The following SLC12A1 variants were observed in gnomAD, a reference collection of about 807,000 sequenced individuals.
SLC12A1 encodes the protein Na-K-2Cl cotransporter.
A neutral mutation model predicts 130.4 loss-of-function variants in SLC12A1; 89 were observed. The ratio of observed to expected loss-of-function variants is 0.68; its 90% CI spans 0.58 to 0.81. The LOEUF (loss-of-function observed/expected upper bound fraction) is 0.81. Ranked by LOEUF, SLC12A1 falls within the 40% of genes least tolerant of loss-of-function variation. SLC12A1 has a pLI of 0.00. For synonymous variants in SLC12A1, 499 were observed against 460.0 expected (o/e 1.08, Z -1.09); for missense variants, 1,310 against 1,336.4 (o/e 0.98, Z 0.31).
intron 6 of SLC12A1, among the ~76,000 whole-genome samples, chr15:48,229,935 ACAGTTCAC>A (rs2041349912): frequency 2.0e-5 from 3 of 152,214 alleles, no homozygotes; most frequent in African/African-American, 7.2e-5. Context: ...AAATGAGCTT[ACAGTTCAC>A]AAGGTATATT....
At chr15:48,220,443 C>T (rs1597400588) in intron 2 of SLC12A1, among the ~76,000 whole-genome samples, 191 bp from the exon 3 acceptor site, 1 of 152,134 alleles carries the variant, frequency 6.6e-6, no homozygotes, top group East Asian at 1.9e-4. Context: ...TTTAAAATGA[C>T]TCACAAAATG....
intron 5 of SLC12A1, chr15:48,226,988 T>C (rs537180516): frequency 7.1e-5 from 58 of 819,680 alleles, no homozygotes; most frequent in East Asian, 6.1e-4. Context: ...AGGTGGATCT[T>C]TCTGTGACAA....
intron 7 of SLC12A1, among the ~76,000 whole-genome samples, chr15:48,231,814 G>A (rs962694759): frequency 2.6e-5 from 4 of 152,030 alleles, no homozygotes; most frequent in Admixed American, 6.5e-5. Flanking sequence ...TCAGGAGTTC[G>A]AGGCCAGCCT....
At position 48,244,701 on chromosome 15, in the gene SLC12A1, G is replaced by A. The variant is rs371703653; in HGVS notation, c.1301-52G>A. 3.1e-5 allele frequency: 50 copies of A among 1,594,174 alleles called. 2 individuals carry two copies. Among genetic ancestry groups the A allele is most frequent in the African/African-American group, 2.1e-4 (16 of 74,460 alleles). The stretch of plus-strand genomic sequence containing the variant: ...TAAACTACGTTTTCAGTAGAAAACC[G>A]TAAGGGACCAGAACTTTATAAAGAA... On this transcript the variant is annotated intron_variant, in intron 10 of 26. Transcript: ENST00000380993.
Position 48,255,874 on chromosome 15 carries a change from A to G in SLC12A1, c.2006A>G (p.Glu669Gly), listed in dbSNP as rs375675843. The part of the protein sequence containing the change: ...SYVSALDNAL[E>G]LTTVEDHVKN... ...GTGAGTGCTTTAGACAATGCTCTGG[A>G]ATTAACCACAGTGGAAGACCACGTA... Residue 669 changes from glutamate (E) to glycine (G), a missense_variant, in exon 16 of 27, where the codon GAA becomes GGA. Transcript: ENST00000380993. The G allele has an allele frequency of 1.2e-6, 2 of 1,604,822 alleles. No homozygotes were observed. The highest frequency in any genetic ancestry group is 1.7e-6 in the Non-Finnish European group (2 of 1,175,506).
At chr15:48,282,475 G>T (rs116307198) in intron 20 of SLC12A1, among the ~76,000 whole-genome samples, 4 of 152,032 alleles carry the variant, frequency 2.6e-5, no homozygotes, top group African/African-American at 9.7e-5. Flanking sequence ...ATCATAGGGC[G>T]CACTGGAGCC....
At chr15:48,225,810 C>T in intron 4 of SLC12A1, 2 of 635,566 alleles carry the variant, frequency 3.1e-6, no homozygotes, top group South Asian at 1.4e-4. Context: ...CCAATGAATT[C>T]TTCCACCATT....
At chr15:48,299,548 A>G (rs976601912) in intron 25 of SLC12A1, among the ~76,000 whole-genome samples, 4 of 152,250 alleles carry the variant, frequency 2.6e-5, no homozygotes, top group Non-Finnish European at 4.4e-5. Context: ...ATTTAATTTT[A>G]AAGAGCAGGA....
intron 23 of SLC12A1, 47 bp from the exon 24 acceptor site, chr15:48,291,731 A>G: frequency 8.8e-7 from 1 of 1,141,388 alleles, no homozygotes; most frequent in Admixed American, 2.0e-5. Flanking sequence ...TTTGATTGAA[A>G]ATAGTTAAAT....
intron 21 of SLC12A1, among the ~76,000 whole-genome samples, chr15:48,286,098 G>T (rs922923138): frequency 6.6e-6 from 1 of 152,208 alleles, no homozygotes; most frequent in Admixed American, 6.5e-5. Context: ...TTCTGGTCTA[G>T]GTTGACCGGC....
At chr15:48,281,732 C>A (rs16960733) in intron 20 of SLC12A1, among the ~76,000 whole-genome samples, 2,948 of 152,254 alleles carry the variant, frequency 0.019, 109 homozygotes, top group African/African-American at 0.068. Flanking sequence ...GTAGAAAGGG[C>A]TTTGTAATTT....
intron 19 of SLC12A1, among the ~76,000 whole-genome samples, chr15:48,271,296 GCC>G (rs2141093217): frequency 6.6e-6 from 1 of 152,248 alleles, no homozygotes; most frequent in Non-Finnish European, 1.5e-5. Flanking sequence ...TGTTAGCTAT[GCC>G]CAAAAGCCAT....
At chr15:48,216,807 T>C (rs2041126985) in intron 2 of SLC12A1, among the ~76,000 whole-genome samples, 1 of 152,228 alleles carries the variant, frequency 6.6e-6, no homozygotes, top group African/African-American at 2.4e-5. Context: ...AAAATGAAAG[T>C]TACATTTGAC....
intron 20 of SLC12A1, among the ~76,000 whole-genome samples, chr15:48,276,894 A>T (rs958485301): frequency 1.1e-4 from 16 of 152,342 alleles, no homozygotes; most frequent in African/African-American, 3.6e-4. Context: ...AAATGGGGAG[A>T]ATAATCAACA....
chr15:48,277,842 G>C (rs1451291329), intron 20 of SLC12A1, among the ~76,000 whole-genome samples: 1 of 152,058 alleles, frequency 6.6e-6, no homozygotes, highest in Non-Finnish European at 1.5e-5. Context: ...AGAAGAGGAG[G>C]ACGAAGAAAA....
At chr15:48,284,304 ATCTTT>A (rs1192336209) in intron 20 of SLC12A1, among the ~76,000 whole-genome samples, 1 of 152,212 alleles carries the variant, frequency 6.6e-6, no homozygotes, top group Admixed American at 6.5e-5. Flanking sequence ...AGATTTTGTT[ATCTTT>A]TCTTAATTCT....
In SLC12A1 at chr15:48,290,874, G is replaced by C. The variant is rs559616535; in HGVS notation, c.2874-904G>C. Among the ~76,000 whole-genome samples, 21 of 152,094 alleles carry C rather than the reference G, an allele frequency of 1.4e-4. No individual in the cohort carries two copies. In the South Asian group the frequency reaches 4.4e-3, roughly 32 times the overall value. On this transcript the variant is annotated intron_variant, in intron 23 of 26. Transcript: ENST00000380993. ...TTCTTAAAGCTGCCAATATTTTATTGGGACAATTAGTATAATTTGAAAATG... is the reference window on the plus strand; with the variant it reads ...TTCTTAAAGCTGCCAATATTTTATTCGGACAATTAGTATAATTTGAAAATG...
chr15:48,274,650 C>A lies in SLC12A1; in HGVS notation c.2482C>A (p.Gln828Lys), dbSNP rs777538217. The A allele has an allele frequency of 9.3e-6, 15 of 1,606,122 alleles. No homozygotes were observed. The part of the protein sequence containing the change: ...GFDISQVLQV[Q>K]EELERLEQER... Reference sequence around the variant, plus strand: ...TGACATCTCTCAGGTTCTTCAGGTGCAAGGTATGTACTTTCTTTATTCAAC... The same window carrying A: ...TGACATCTCTCAGGTTCTTCAGGTGAAAGGTATGTACTTTCTTTATTCAAC... Residue 828 changes from glutamine to lysine, a missense_variant, in exon 20 of 27, where the codon CAA becomes AAA. By Grantham distance (53) the Gln-to-Lys change is moderately conservative (BLOSUM62 1). Transcript: ENST00000380993.
At chr15:48,298,661 G>C (rs1348613367) in intron 24 of SLC12A1, among the ~76,000 whole-genome samples, 2 of 152,202 alleles carry the variant, frequency 1.3e-5, no homozygotes, top group Non-Finnish European at 2.9e-5. Context: ...CCATGAGTGG[G>C]AGTTGCCATG....
Sources: allele counts gnomAD v4.1 joint callset (sites outside exome capture counted in the v4.1 genomes callset), GRCh38; gene constraint gnomAD v4.1.1; transcripts MANE v1.5; gene names NCBI Gene and HGNC (gene_info 2026-07-23, HGNC 2026-07-21).